SERPINE2: variants seen among roughly 807,000 people sequenced by gnomAD.
The protein encoded by SERPINE2 is glia-derived nexin.
Under a neutral mutation model 36.3 loss-of-function variants are expected in SERPINE2, and 14 were observed. That is an observed-to-expected ratio of 0.39 (90% CI 0.25 to 0.60). SERPINE2 has a LOEUF of 0.60. Among genes scored for constraint, SERPINE2 ranks in the 20% least tolerant of loss-of-function variants. The pLI is 0.57. For synonymous variants in SERPINE2, 192 were observed against 191.8 expected, an observed-to-expected ratio of 1.00 and a Z score of -0.01; for missense variants, 418 against 499.6, an observed-to-expected ratio of 0.84 and a Z score of 1.56.
At chr2:224,001,990 TC>T (rs1691194597) in intron 1 of SERPINE2, 68 bp from the exon 2 acceptor site, 8 of 1,180,838 alleles carry the variant, frequency 6.8e-6, no homozygotes, top group Non-Finnish European at 9.0e-6. Flanking sequence ...TTTTTTTTTT[TC>T]CCCCAGATAG....
intron 1 of SERPINE2, among the ~76,000 whole-genome samples, chr2:224,037,164 A>G (rs1574856881): frequency 6.6e-6 from 1 of 152,214 alleles, no homozygotes; most frequent in East Asian, 1.9e-4. Flanking sequence ...ACCCAGACAC[A>G]GTAGATGCTT....
At chr2:224,014,982 CA>C (rs1229377432) in intron 1 of SERPINE2, among the ~76,000 whole-genome samples, 4 of 151,112 alleles carry the variant, frequency 2.6e-5, no homozygotes, top group African/African-American at 9.7e-5. Flanking sequence ...TATCTGAAGA[CA>C]TTTTTTTTGG....
chr2:223,981,777 A>C (rs1437995339), intron 6 of SERPINE2: 2 of 152,262 alleles, frequency 1.3e-5, no homozygotes, highest in Non-Finnish European at 2.9e-5. Context: ...ACTGCTGGCA[A>C]ATGAAAAGCA....
chr2:224,018,867 T>C (rs181483175), intron 1 of SERPINE2, among the ~76,000 whole-genome samples: 22 of 152,308 alleles, frequency 1.4e-4, no homozygotes, highest in African/African-American at 5.1e-4. Context: ...CAAGCTCCTC[T>C]ATCCCCAGCC....
At chr2:223,994,474 G>GTCCGTCCA (rs1442411363) in intron 3 of SERPINE2, among the ~76,000 whole-genome samples, 3 of 152,132 alleles carry the variant, frequency 2.0e-5, no homozygotes, top group Non-Finnish European at 4.4e-5. Context: ...TCTATCATCC[G>GTCCGTCCA]TCCGTCCATC....
At chr2:224,026,529 C>A (rs1192305805) in intron 1 of SERPINE2, among the ~76,000 whole-genome samples, 2 of 152,166 alleles carry the variant, frequency 1.3e-5, no homozygotes, top group Non-Finnish European at 2.9e-5. Context: ...ACTCATGGAT[C>A]TCATCTATCT....
chr2:224,005,890 C>A (rs1031359398), intron 1 of SERPINE2, among the ~76,000 whole-genome samples: 2 of 152,162 alleles, frequency 1.3e-5, no homozygotes, highest in Non-Finnish European at 2.9e-5. Flanking sequence ...ATCAGTAGAG[C>A]CATCGCCACA....
intron 5 of SERPINE2, among the ~76,000 whole-genome samples, chr2:223,984,304 C>T (rs1453548204): frequency 6.6e-6 from 1 of 152,216 alleles, no homozygotes; most frequent in Admixed American, 6.5e-5. Context: ...AATAGAAAAA[C>T]TGGCTGCCTT....
chr2:224,010,935 C>A (rs1691604609), intron 1 of SERPINE2, among the ~76,000 whole-genome samples: 1 of 152,146 alleles, frequency 6.6e-6, no homozygotes, highest in Non-Finnish European at 1.5e-5. Flanking sequence ...TTGTCTGTAT[C>A]TTTATAACTT....
intron 3 of SERPINE2, among the ~76,000 whole-genome samples, chr2:223,993,458 G>A (rs139373597): frequency 6.6e-6 from 1 of 151,184 alleles, no homozygotes; most frequent in African/African-American, 2.4e-5. Flanking sequence ...GTATGTATGT[G>A]TGTTTTTAAA....
intron 1 of SERPINE2, among the ~76,000 whole-genome samples, chr2:224,005,554 CT>C (rs1691391633): frequency 6.6e-6 from 1 of 152,110 alleles, no homozygotes; most frequent in African/African-American, 2.4e-5. Flanking sequence ...CTATAAATTA[CT>C]TTAGGCCTGC....
At chr2:224,028,881 A>T (rs1229508216) in intron 1 of SERPINE2, among the ~76,000 whole-genome samples, 2 of 152,214 alleles carry the variant, frequency 1.3e-5, no homozygotes, top group Admixed American at 6.5e-5. Context: ...GAACCAGAAC[A>T]CAAGGTAGAG....
chr2:223,991,858 G>A lies in SERPINE2; in HGVS notation c.630C>T (p.Ala210=), dbSNP rs1209036957. 13 of 1,613,280 alleles carry A rather than the reference G, an allele frequency of 8.1e-6. No homozygotes were observed. The highest frequency in any genetic ancestry group is 2.2e-5 in the East Asian group (1 of 44,870). The change falls in exon 4 of 9, where the codon GCC becomes GCT. Residue 210 remains alanine, a synonymous_variant. Coordinates refer to ENST00000409304, the MANE Select transcript of SERPINE2 (RefSeq NM_001136528.2). Reference sequence around the variant, plus strand: ...TTGGCACTTGATAGGATTTCCCGTCGGCTGCCACGAAAGTGCGTTTCTTTG... The same window carrying A: ...TTGGCACTTGATAGGATTTCCCGTCAGCTGCCACGAAAGTGCGTTTCTTTG... ...ENTKKRTFVA[A]DGKSYQVPML...
intron 6 of SERPINE2, chr2:223,980,905 T>C (rs993725256): frequency 1.3e-5 from 2 of 154,134 alleles, no homozygotes; most frequent in African/African-American, 4.8e-5. Context: ...ACTCATCTCA[T>C]GGGCATGCTA....
intron 1 of SERPINE2, among the ~76,000 whole-genome samples, chr2:224,036,437 C>A: frequency 6.8e-6 from 1 of 146,402 alleles, no homozygotes. Flanking sequence ...CAGATGAGAA[C>A]ACAGGGACAC....
chr2:223,982,834 A>G, intron 5 of SERPINE2, 53 bp from the exon 6 acceptor site: 4 of 1,279,126 alleles, frequency 3.1e-6, no homozygotes, highest in Non-Finnish European at 4.5e-6. Context: ...TAAATGCTAC[A>G]TGATAGAGTC....
rs758365651 is a variant in SERPINE2 at position 224,001,947 on chromosome 2, T to C, written c.-22-25A>G. On this transcript the variant is annotated intron_variant, in intron 1 of 8. Coordinates refer to ENST00000409304, the MANE Select transcript of SERPINE2 (RefSeq NM_001136528.2). Reference sequence around the variant, plus strand: ...CCTGGAAAAGTAAGTTAAAAAATATTTAAATTATACTTAAATGGGTACTTT... The same window carrying C: ...CCTGGAAAAGTAAGTTAAAAAATATCTAAATTATACTTAAATGGGTACTTT... 4.4e-6 allele frequency: 7 copies of C among 1,578,126 alleles called. No homozygotes were observed. In the African/African-American group the frequency reaches 9.6e-5, roughly 22 times the overall value.
intron 1 of SERPINE2, among the ~76,000 whole-genome samples, chr2:224,019,679 A>T (rs745335699): frequency 6.6e-6 from 1 of 151,526 alleles, no homozygotes; most frequent in Admixed American, 6.6e-5. Context: ...GTTGATTACC[A>T]TCATGTATTA....
rs759769119 is a variant in SERPINE2 at position 223,990,333 on chromosome 2, A to AAC, written c.685+1468_685+1469dup. ...TGTATTTGTGCATTATTTTCTATAA[A>AAC]ACACACATGTATATTCCTAGGCAAA... On this transcript the variant is annotated intron_variant, in intron 4 of 8. Coordinates refer to ENST00000409304, the MANE Select transcript of SERPINE2 (RefSeq NM_001136528.2). Among the ~76,000 whole-genome samples the AAC allele has an allele frequency of 5.3e-5, 8 of 152,222 alleles. No individual in the cohort carries two copies. The East Asian group carries it at 1.2e-3, about 22-fold the overall frequency.
Sources: gnomAD v4.1 joint callset for allele counts (sites outside exome capture counted in the v4.1 genomes callset) on GRCh38, gnomAD v4.1.1 for gene constraint, MANE v1.5 for transcripts, NCBI Gene and HGNC (gene_info 2026-07-23, HGNC 2026-07-21) for gene names.